The following SLC1A2 variants were observed in gnomAD, a reference collection of about 807,000 sequenced individuals.
SLC1A2 encodes excitatory amino acid transporter 2.
A neutral mutation model predicts 48.8 loss-of-function variants in SLC1A2; 15 were observed. The ratio of observed to expected loss-of-function variants is 0.31; its 90% CI spans 0.21 to 0.47. The LOEUF (loss-of-function observed/expected upper bound fraction) is 0.47, where lower values mean the gene tolerates loss of function less well. SLC1A2 is among the 20% of genes least tolerant of loss of function. The probability of loss-of-function intolerance (pLI) is 0.99; values close to 1 mark genes in which losing one functional copy is unlikely to be tolerated. For synonymous variants in SLC1A2, 279 were observed against 272.6 expected (o/e 1.02, Z -0.23); for missense variants, 502 against 730.5 (o/e 0.69, Z 3.61).
chr11:35,386,092 G>A (rs1442523914), intron 1 of SLC1A2, among the ~76,000 whole-genome samples: 2 of 152,186 alleles, frequency 1.3e-5, no homozygotes, highest in African/African-American at 4.8e-5. Context: ...GGTGAACCCG[G>A]GAGGCGGAGC....
At chr11:35,350,375 C>T (rs568935600) in intron 1 of SLC1A2, among the ~76,000 whole-genome samples, 1 of 152,276 alleles carries the variant, frequency 6.6e-6, no homozygotes, top group Non-Finnish European at 1.5e-5. Context: ...ATATTAAGTC[C>T]AGCATGGAGC....
intron 1 of SLC1A2, chr11:35,380,332 C>T (rs1160869431): frequency 7.5e-6 from 3 of 398,482 alleles, no homozygotes; most frequent in Admixed American, 4.4e-5. Flanking sequence ...TTTTGCTTTG[C>T]TTCTGAAAAA....
intron 6 of SLC1A2, chr11:35,299,049 A>G (rs953333639): frequency 1.3e-5 from 2 of 152,232 alleles, no homozygotes; most frequent in South Asian, 2.1e-4. Flanking sequence ...CTTAAAAAAT[A>G]TGTTTTACAT....
At chr11:35,358,971 T>C (rs1164533881) in intron 1 of SLC1A2, among the ~76,000 whole-genome samples, 1 of 152,164 alleles carries the variant, frequency 6.6e-6, no homozygotes, top group Non-Finnish European at 1.5e-5. Flanking sequence ...TTTAGTACTA[T>C]TAAAAAATAC....
At chr11:35,270,919 G>C (rs984437569) in intron 9 of SLC1A2, among the ~76,000 whole-genome samples, 1 of 152,186 alleles carries the variant, frequency 6.6e-6, no homozygotes, top group Non-Finnish European at 1.5e-5. Flanking sequence ...TTTATCTCAA[G>C]TGTAATGAAG....
chr11:35,407,949 C>G (rs957625534), intron 1 of SLC1A2, among the ~76,000 whole-genome samples: 8 of 152,250 alleles, frequency 5.3e-5, no homozygotes, highest in African/African-American at 1.9e-4. Flanking sequence ...AGGCCCCGGC[C>G]TGTCATGACT....
intron 1 of SLC1A2, among the ~76,000 whole-genome samples, chr11:35,379,233 AAAAAAG>A (rs1329034580): frequency 6.6e-6 from 1 of 152,214 alleles, no homozygotes; most frequent in Admixed American, 6.5e-5. Context: ...CTGTCTCAAA[AAAAAAG>A]AAAAATTGTG....
chr11:35,319,314 A>T (rs542332592), intron 1 of SLC1A2, among the ~76,000 whole-genome samples: 1 of 152,318 alleles, frequency 6.6e-6, no homozygotes, highest in East Asian at 1.9e-4. Context: ...CTGTGTTTGC[A>T]GTGGGATCTT....
intron 1 of SLC1A2, among the ~76,000 whole-genome samples, chr11:35,365,859 T>C (rs546399807): frequency 6.6e-6 from 1 of 152,220 alleles, no homozygotes; most frequent in Non-Finnish European, 1.5e-5. Context: ...TCTACAGGGG[T>C]GACTTTTCCC....
rs10742338 is a variant in SLC1A2 at position 35,255,541 on chromosome 11, T to C, written c.*5353A>G. On this transcript the variant is annotated 3_prime_UTR_variant, in exon 11 of 11. Transcript: ENST00000278379. ...AGTTGCCGTGATTGTGCAAGTGTTGTACCAAATTTCAAAAGAGTGATCAAG... is the reference window on the plus strand; with the variant it reads ...AGTTGCCGTGATTGTGCAAGTGTTGCACCAAATTTCAAAAGAGTGATCAAG... 125,487 of 152,238 alleles carry C rather than the reference T, an allele frequency of 0.82. 52,539 individuals carry two copies. Among genetic ancestry groups the C allele is most frequent in the East Asian group, 0.97 (5,018 of 5,184 alleles). The allele number at this position is 152,238 out of a possible 1,614,324, so 9.4% of individuals were successfully genotyped here. A position where few individuals can be genotyped will look rare whatever the true frequency, so the allele number is the denominator to read the frequency against.
intron 1 of SLC1A2, among the ~76,000 whole-genome samples, chr11:35,405,737 A>G (rs1380780727): frequency 6.6e-6 from 1 of 152,204 alleles, no homozygotes; most frequent in Non-Finnish European, 1.5e-5. Context: ...TCACAAGATG[A>G]GCTGCTTCCC....
At chr11:35,290,957 T>C (rs1301901692) in intron 7 of SLC1A2, among the ~76,000 whole-genome samples, 7 of 152,152 alleles carry the variant, frequency 4.6e-5, no homozygotes, top group Non-Finnish European at 2.9e-5. Flanking sequence ...TCCCAGGTGG[T>C]TGGCATTATT....
chr11:35,292,382 G>C lies in SLC1A2; in HGVS notation c.996C>G (p.Leu332=). The change falls in exon 7 of 11, where the codon CTC becomes CTG. Residue 332 remains leucine, a synonymous_variant. Transcript: ENST00000278379. ...TGGTCACTACAAAGTAAATCAAGGG[G>C]AGAAAGATGCCCCCGTGGATGATGA... ...IGLIIHGGIF[L]PLIYFVVTRK... 6.2e-7 allele frequency: 1 copy of C among 1,614,012 alleles called. No homozygotes were observed. The highest frequency in any genetic ancestry group is 8.5e-7 in the Non-Finnish European group (1 of 1,179,924).
chr11:35,285,490 T>G (rs2134711112), intron 8 of SLC1A2: 1 of 152,380 alleles, frequency 6.6e-6, no homozygotes, highest in African/African-American at 2.4e-5. Flanking sequence ...TTGGCTGTTC[T>G]AATATCTGGA....
In SLC1A2 at chr11:35,418,996, A is replaced by C; in HGVS notation, c.-30T>G. 4 of 1,555,144 alleles carry C rather than the reference A, an allele frequency of 2.6e-6. No homozygotes were observed. Among genetic ancestry groups the C allele is most frequent in the Non-Finnish European group, 3.5e-6 (4 of 1,147,990 alleles). On this transcript the variant is annotated 5_prime_UTR_variant, in exon 1 of 11. Transcript: ENST00000278379. ...TGGGGAACGCCCCCTCCTCTTCAGC[A>C]CTATCCGGCAGCTGTGGGCGAGGGA...
chr11:35,341,536 C>G (rs747228011), intron 1 of SLC1A2, among the ~76,000 whole-genome samples: 2 of 152,028 alleles, frequency 1.3e-5, no homozygotes, highest in Non-Finnish European at 2.9e-5. Flanking sequence ...AAGCAGCATG[C>G]AAAAAACACT....
At chr11:35,326,778 G>A (rs1467099773) in intron 1 of SLC1A2, among the ~76,000 whole-genome samples, 2 of 152,168 alleles carry the variant, frequency 1.3e-5, no homozygotes, top group Admixed American at 1.3e-4. Flanking sequence ...GACCTTCAAA[G>A]TCACCCACTT....
At chr11:35,270,998 G>T (rs554638817) in intron 9 of SLC1A2, among the ~76,000 whole-genome samples, 3 of 152,202 alleles carry the variant, frequency 2.0e-5, no homozygotes, top group African/African-American at 7.2e-5. Context: ...AAGCCTGAAA[G>T]AGTGAAATCC....
intron 5 of SLC1A2, among the ~76,000 whole-genome samples, chr11:35,304,660 T>C (rs1189587432): frequency 6.6e-6 from 1 of 152,164 alleles, no homozygotes; most frequent in Non-Finnish European, 1.5e-5. Context: ...AAAGATCTGC[T>C]TCTGCTTCTC....
Sources: allele counts gnomAD v4.1 joint callset (sites outside exome capture counted in the v4.1 genomes callset), GRCh38; gene constraint gnomAD v4.1.1; transcripts MANE v1.5; gene names NCBI Gene and HGNC (gene_info 2026-07-23, HGNC 2026-07-21).